PKD1L1: variants seen among roughly 807,000 people sequenced by gnomAD.
The protein encoded by PKD1L1 is polycystin 1 like 1, transient receptor potential channel interacting.
A neutral mutation model predicts 323.4 loss-of-function variants in PKD1L1; 236 were observed. The ratio of observed to expected loss-of-function variants is 0.73; its 90% CI spans 0.66 to 0.81. The LOEUF is 0.81. Ranked by LOEUF, PKD1L1 falls within the 40% of genes least tolerant of loss-of-function variation. The probability of loss-of-function intolerance (pLI) is 0.00; values close to 1 mark genes in which losing one functional copy is unlikely to be tolerated. For synonymous variants in PKD1L1, 1,344 were observed against 1,335.0 expected, an observed-to-expected ratio of 1.01 and a Z score of -0.15; for missense variants, 3,320 against 3,508.0, an observed-to-expected ratio of 0.95 and a Z score of 1.35.
At chr7:47,806,617 GCAGTTTC>G (rs1373936235) in intron 52 of PKD1L1, among the ~76,000 whole-genome samples, 1 of 152,216 alleles carries the variant, frequency 6.6e-6, no homozygotes, top group African/African-American at 2.4e-5. Flanking sequence ...TCTCTATTCT[GCAGTTTC>G]CAGCCTTGTG....
At position 47,880,538 on chromosome 7, in the gene PKD1L1, TCCCAAAGTGCTGGGATTACAAGCGTGA is replaced by T. The variant is rs113663040; in HGVS notation, c.3520+163_3520+189del. 0.35 allele frequency among the ~76,000 whole-genome samples: 52,635 copies of T among 148,902 alleles called. 10,585 individuals are homozygous for T. Among genetic ancestry groups the T allele is most frequent in the African/African-American group, 0.55 (21,931 of 39,892 alleles). ...ACCTCGTGATCTGCCTGCCTCGGCC[TCCCAAAGTGCTGGGATTACAAGCGTGA>T]GCCACTGTGCCCAGCCCTATATATA... On this transcript the variant is annotated intron_variant, in intron 21 of 56. Coordinates refer to ENST00000289672, the MANE Select transcript of PKD1L1 (RefSeq NM_138295.5).
At chr7:47,802,765 C>A (rs1584953028) in intron 53 of PKD1L1, among the ~76,000 whole-genome samples, 1 of 152,232 alleles carries the variant, frequency 6.6e-6, no homozygotes, top group African/African-American at 2.4e-5. Flanking sequence ...GACTTCAGGG[C>A]TAGCCCTGGA....
intron 39 of PKD1L1, 45 bp from the exon 40 acceptor site, chr7:47,834,430 A>C (rs1785413899): frequency 6.6e-7 from 1 of 1,513,350 alleles, no homozygotes; most frequent in Admixed American, 1.7e-5. Flanking sequence ...CTTTGGGGTG[A>C]TACATTTAAA....
At chr7:47,911,007 C>T (rs62447083) in intron 8 of PKD1L1, among the ~76,000 whole-genome samples, 4,679 of 151,834 alleles carry the variant, frequency 0.031, 114 homozygotes, top group Non-Finnish European at 0.049. Flanking sequence ...AGACTTAACC[C>T]CTGATAAAAG....
chr7:47,852,868 G>T (rs1013962002), intron 31 of PKD1L1, among the ~76,000 whole-genome samples: 5 of 152,138 alleles, frequency 3.3e-5, no homozygotes, highest in Non-Finnish European at 5.9e-5. Flanking sequence ...GGATCAGGAG[G>T]AGGCGCCAGA....
At chr7:47,783,484 T>C (rs1324145382) in intron 56 of PKD1L1, among the ~76,000 whole-genome samples, 1 of 152,210 alleles carries the variant, frequency 6.6e-6, no homozygotes, top group East Asian at 1.9e-4. Context: ...AATGTATTTG[T>C]TTTGGGTTGA....
Position 47,821,206 on chromosome 7 carries a change from G to A in PKD1L1, c.6855-20C>T. 2.0e-6 allele frequency: 3 copies of A among 1,516,150 alleles called. No homozygotes were observed. Among genetic ancestry groups the A allele is most frequent in the Non-Finnish European group, 2.7e-6 (3 of 1,091,446 alleles). The allele number at this position is 1,516,150 out of a possible 1,614,324, so 93.9% of individuals were successfully genotyped here. A position where few individuals can be genotyped will look rare whatever the true frequency, so the allele number is the denominator to read the frequency against. On this transcript the variant is annotated intron_variant, in intron 45 of 56. Transcript: ENST00000289672. ...ATGTCTCTGTAAGAAGAGTTTTTAA[G>A]TTAGCATCCATACAGACCCTGTATG...
chr7:47,780,229 C>T (rs1448894388), intron 56 of PKD1L1, among the ~76,000 whole-genome samples: 4 of 152,160 alleles, frequency 2.6e-5, no homozygotes, highest in Non-Finnish European at 1.5e-5. Flanking sequence ...CTTCTGCTGT[C>T]CTTTTATAGA....
At chr7:47,845,191 T>C (rs775951009) in intron 32 of PKD1L1, 113 bp from the exon 33 acceptor site, 24 of 809,384 alleles carry the variant, frequency 3.0e-5, no homozygotes, top group Non-Finnish European at 4.4e-5. Context: ...GCAATAATGA[T>C]AACTTTATGA....
At chr7:47,924,957 A>G (rs1157982643) in intron 7 of PKD1L1, among the ~76,000 whole-genome samples, 3 of 152,222 alleles carry the variant, frequency 2.0e-5, no homozygotes, top group Admixed American at 6.5e-5. Flanking sequence ...TGAGAGGTTG[A>G]TAATCACCAT....
chr7:47,870,491 CA>C (rs149874257), intron 24 of PKD1L1, among the ~76,000 whole-genome samples: 9 of 150,752 alleles, frequency 6.0e-5, no homozygotes, highest in African/African-American at 1.2e-4. Flanking sequence ...AACTGTATGC[CA>C]AAAAAAATAG....
At chr7:47,824,720 C>T (rs1408090384) in intron 45 of PKD1L1, among the ~76,000 whole-genome samples, 2 of 152,174 alleles carry the variant, frequency 1.3e-5, no homozygotes, top group African/African-American at 4.8e-5. Flanking sequence ...ACAGCATACC[C>T]GCTTTCCTCT....
rs756972794 is a variant in PKD1L1 at position 47,854,882 on chromosome 7, C to T, written c.4859G>A (p.Arg1620Lys). The T allele has an allele frequency of 1.2e-6, 2 of 1,613,948 alleles. No individual in the cohort carries two copies. Among genetic ancestry groups the T allele is most frequent in the Non-Finnish European group, 1.7e-6 (2 of 1,179,978 alleles). ...ATTGTAGCTGTCACCATCAACACAC[C>T]TTACTAGCAACATGACGGGAAATGC... ...TRAFPVMLLV[R>K]FSEKPTPSDF... Residue 1620 changes from arginine (R) to lysine (K), a missense_variant and splice_region_variant, in exon 30 of 57, where the codon AGA (arginine) becomes AAA (lysine). By Grantham distance (26) the Arg-to-Lys change is conservative. Coordinates refer to ENST00000289672, the MANE Select transcript of PKD1L1 (RefSeq NM_138295.5).
intron 14 of PKD1L1, among the ~76,000 whole-genome samples, chr7:47,897,018 C>T (rs1786950956): frequency 1.3e-5 from 2 of 152,172 alleles, no homozygotes; most frequent in African/African-American, 4.8e-5. Context: ...TGAAGTAATG[C>T]TATGCTAAGC....
intron 45 of PKD1L1, among the ~76,000 whole-genome samples, chr7:47,822,758 T>C (rs1276434254): frequency 6.6e-6 from 1 of 152,232 alleles, no homozygotes; most frequent in Non-Finnish European, 1.5e-5. Flanking sequence ...CAGTGTTTTG[T>C]GGTTTTCAAC....
intron 9 of PKD1L1, among the ~76,000 whole-genome samples, chr7:47,907,552 G>A (rs1488915426): frequency 6.6e-6 from 1 of 152,218 alleles, no homozygotes; most frequent in Admixed American, 6.5e-5. Context: ...AGTGGATAAA[G>A]TGGAATGGAT....
chr7:47,856,258 G>A (rs1785902693), intron 28 of PKD1L1, among the ~76,000 whole-genome samples: 1 of 152,060 alleles, frequency 6.6e-6, no homozygotes. Flanking sequence ...AGGTTGGTCT[G>A]GAACTCCTGA....
chr7:47,802,799 G>GT (rs1784692981), intron 53 of PKD1L1, among the ~76,000 whole-genome samples: 1 of 152,218 alleles, frequency 6.6e-6, no homozygotes, highest in African/African-American at 2.4e-5. Context: ...GTGCCCTGTT[G>GT]TTTGAGACAG....
intron 56 of PKD1L1, among the ~76,000 whole-genome samples, chr7:47,780,191 C>A (rs562034466): frequency 6.6e-6 from 1 of 152,112 alleles, no homozygotes; most frequent in Non-Finnish European, 1.5e-5. Context: ...ATACAATTAA[C>A]GTAAAGAACA....
Sources: allele counts gnomAD v4.1 joint callset (sites outside exome capture counted in the v4.1 genomes callset), GRCh38; gene constraint gnomAD v4.1.1; transcripts MANE v1.5; gene names NCBI Gene and HGNC (gene_info 2026-07-23, HGNC 2026-07-21).